Variants in RAB36 observed in about 807,000 individuals in gnomAD.
The protein encoded by RAB36 is RAB36, member RAS oncogene family.
A neutral mutation model predicts 39.3 loss-of-function variants in RAB36; 33 were observed. The observed-to-expected ratio is 0.84, with a 90% CI of 0.64 to 1.12. The LOEUF (loss-of-function observed/expected upper bound fraction) is 1.12. Among genes scored for constraint, RAB36 ranks in the 50% most tolerant of loss-of-function variants. The probability of loss-of-function intolerance (pLI) is 0.00; values close to 1 mark genes in which losing one functional copy is unlikely to be tolerated. For synonymous variants in RAB36, 133 were observed against 140.2 expected (o/e 0.95, Z 0.36); for missense variants, 308 against 355.3 (o/e 0.87, Z 1.07).
chr22:23,165,562 T>A lies in RAB36; in HGVS notation c.*3998T>A, dbSNP rs2072030554. ...GAGAGGCTCTGGGCACAGGAAAGAA[T>A]TGGACTTCGGGCAGAAAAATGTTTG... On this transcript the variant is annotated 3_prime_UTR_variant, in exon 11 of 11. Transcript: ENST00000263116. Among the ~76,000 whole-genome samples the A allele has an allele frequency of 6.6e-6, 1 of 152,198 alleles. No individual in the cohort carries two copies. Among genetic ancestry groups the A allele is most frequent in the Non-Finnish European group, 1.5e-5 (1 of 68,038 alleles).
At chr22:23,150,992 G>A (rs1382282974) in intron 3 of RAB36, among the ~76,000 whole-genome samples, 1 of 152,254 alleles carries the variant, frequency 6.6e-6, no homozygotes, top group Admixed American at 6.5e-5. Context: ...CAGAGGGATT[G>A]TGAAATAGTC....
At chr22:23,166,171 AAAAAAAG>A (rs1226030433), downstream of RAB36, among the ~76,000 whole-genome samples, 3 of 148,850 alleles carry the variant, frequency 2.0e-5, no homozygotes, top group Admixed American at 6.7e-5. Flanking sequence ...AAAAAAAAAA[AAAAAAAG>A]GAGTGTTTCC....
intron 3 of RAB36, among the ~76,000 whole-genome samples, chr22:23,151,429 C>T (rs1335330897): frequency 6.6e-6 from 1 of 152,196 alleles, no homozygotes; most frequent in Non-Finnish European, 1.5e-5. Context: ...CCTGCTCTCA[C>T]GGACCTGGCA....
chr22:23,165,818 G>C (rs1024500927), downstream of RAB36, among the ~76,000 whole-genome samples: 9 of 152,100 alleles, frequency 5.9e-5, no homozygotes, highest in Non-Finnish European at 1.2e-4. Context: ...TGGCAGCTTG[G>C]GCTTCCTCAC....
At chr22:23,146,438 C>G (rs1360302497) in intron 1 of RAB36, among the ~76,000 whole-genome samples, 167 bp from the exon 2 acceptor site, 1 of 152,048 alleles carries the variant, frequency 6.6e-6, no homozygotes, top group Non-Finnish European at 1.5e-5. Flanking sequence ...TCTCAACCTC[C>G]TGGGCCCAAG....
intron 4 of RAB36, 86 bp downstream of exon 4, chr22:23,152,612 A>C: frequency 2.3e-6 from 3 of 1,291,322 alleles, no homozygotes; most frequent in Non-Finnish European, 2.2e-6. Context: ...TAATATCAAC[A>C]TAGCAGAAAT....
At chr22:23,167,496 AGAG>A (rs2072071283), downstream of RAB36, among the ~76,000 whole-genome samples, 1 of 151,990 alleles carries the variant, frequency 6.6e-6, no homozygotes. Flanking sequence ...TCTGGAGTGG[AGAG>A]GAGGCCAGCA....
rs1012655259 is a variant in RAB36, at chr22:23,161,823, T to C, written c.*259T>C. On this transcript the variant is annotated 3_prime_UTR_variant, in exon 11 of 11. Coordinates refer to ENST00000263116, the MANE Select transcript of RAB36 (RefSeq NM_004914.5). ...CGGGCCAGTGCAGGCACTGTGGTGA[T>C]CCCATAAAAGGCCAGTCCATTTGCA... is the stretch of plus-strand genomic sequence containing the variant. The C allele has an allele frequency of 2.2e-5, 11 of 496,918 alleles. No individual in the cohort carries two copies. Among genetic ancestry groups the C allele is most frequent in the Non-Finnish European group, 3.6e-5 (10 of 275,032 alleles). The allele number at this position is 496,918 out of a possible 1,614,324, so 30.8% of individuals were successfully genotyped here.
intron 6 of RAB36, among the ~76,000 whole-genome samples, chr22:23,156,864 C>T (rs924287605): frequency 2.6e-5 from 4 of 152,296 alleles, no homozygotes; most frequent in Admixed American, 1.3e-4. Context: ...GTGCGAGGCG[C>T]CTGGCCCACC....
At chr22:23,152,038 G>C (rs1031664820) in intron 3 of RAB36, among the ~76,000 whole-genome samples, 1 of 152,238 alleles carries the variant, frequency 6.6e-6, no homozygotes, top group Non-Finnish European at 1.5e-5. Flanking sequence ...GGGGCTGCCC[G>C]TCCCTTTTGC....
At chr22:23,158,846 G>T in intron 7 of RAB36, 52 bp from the exon 8 acceptor site, 1 of 1,545,952 alleles carries the variant, frequency 6.5e-7, no homozygotes, top group Non-Finnish European at 8.9e-7. Flanking sequence ...TCTGCCCCCT[G>T]TTTGGGGTGG....
rs1358326643 is a variant in RAB36 at position 23,153,103 on chromosome 22, G to T, written c.298G>T (p.Glu100Ter). The change falls in exon 5 of 11, where the codon GAG becomes TAG. Residue 100 changes from glutamate to a stop codon, truncating the protein, a stop_gained. Coordinates refer to ENST00000263116, the MANE Select transcript of RAB36 (RefSeq NM_004914.5). LOFTEE classifies it high-confidence loss of function. ...IGVDFEIERF[E>*]IAGIPYSLQI... ...GGTGGACTTTGAAATTGAGCGCTTTGAGATTGCTGGGATTCCCTATAGCCT... is the reference window on the plus strand; with the variant it reads ...GGTGGACTTTGAAATTGAGCGCTTTTAGATTGCTGGGATTCCCTATAGCCT... 4.3e-6 allele frequency: 7 copies of T among 1,614,146 alleles called. No homozygotes were observed. Among genetic ancestry groups the T allele is most frequent in the Non-Finnish European group, 5.9e-6 (7 of 1,179,996 alleles).
intron 1 of RAB36, chr22:23,145,982 C>T (rs766581816): frequency 2.1e-4 from 210 of 985,306 alleles, no homozygotes; most frequent in Non-Finnish European, 2.4e-4. Context: ...GACCCCTCCC[C>T]ACTCTACTTC....
rs540386285 is a variant in RAB36, at chr22:23,164,694, A to G, written c.*3130A>G. ...GCAATGACCACAGTGACCGCGTCCA[A>G]GTGCTGCCGAAACGCCTTTTTCCTC... On this transcript the variant is annotated 3_prime_UTR_variant, in exon 11 of 11. Transcript: ENST00000263116. Among the ~76,000 whole-genome samples, 7 of 152,208 alleles carry G rather than the reference A, an allele frequency of 4.6e-5. No individual in the cohort carries two copies. The highest frequency in any genetic ancestry group is 6.5e-5 in the Admixed American group (1 of 15,306).
intron 3 of RAB36, among the ~76,000 whole-genome samples, chr22:23,150,590 C>T (rs1435871018): frequency 1.3e-5 from 2 of 151,700 alleles, no homozygotes; most frequent in Non-Finnish European, 2.9e-5. Flanking sequence ...TGTGAGCCAC[C>T]GTGCCCAGCC....
rs117027496 is a variant in RAB36, at chr22:23,165,640, A to G, written c.*4076A>G. Among the ~76,000 whole-genome samples the G allele has an allele frequency of 2.2e-4, 33 of 152,352 alleles. 1 individual carries two copies. In the East Asian group the frequency reaches 6.0e-3, roughly 28 times the overall value. ...CTCCAAAACTTCATTGCTTAAAGCAACAAGCATGTATTATTTCTCATGATT... is the reference window on the plus strand; with the variant it reads ...CTCCAAAACTTCATTGCTTAAAGCAGCAAGCATGTATTATTTCTCATGATT... On this transcript the variant is annotated 3_prime_UTR_variant, in exon 11 of 11. Transcript: ENST00000263116.
In RAB36 at chr22:23,148,314, A is replaced by G. The variant is rs114176555; in HGVS notation, c.69+1629A>G. 6.2e-3 allele frequency among the ~76,000 whole-genome samples: 940 copies of G among 152,298 alleles called. 8 individuals are homozygous for G. The highest frequency in any genetic ancestry group is 0.021 in the African/African-American group (853 of 41,574). Reference sequence around the variant, plus strand: ...CAGAGCTTGACAGTGGTAACTAGGGATGACAGAGACTGGTCTTTCTTGAGT... The same window carrying G: ...CAGAGCTTGACAGTGGTAACTAGGGGTGACAGAGACTGGTCTTTCTTGAGT... On this transcript the variant is annotated intron_variant, in intron 2 of 10. Transcript: ENST00000263116.
rs371958147 is a variant in RAB36, at chr22:23,146,644, C to T, written c.28C>T (p.Pro10Ser). ...GAGGTCCTCCCTGACACCTTTGGGGCCCCCTGTGAGCCGCGACCGTGTCAT... is the reference window on the plus strand; with the variant it reads ...GAGGTCCTCCCTGACACCTTTGGGGTCCCCTGTGAGCCGCGACCGTGTCAT... MRSSLTPLG[P>S]PVSRDRVIAS... Residue 10 changes from proline (P) to serine (S), a missense_variant, in exon 2 of 11, where the codon CCC becomes TCC. By Grantham distance (74) the Pro-to-Ser change is moderately conservative. Transcript: ENST00000263116. The T allele has an allele frequency of 2.4e-5, 39 of 1,613,736 alleles. No homozygotes were observed. Among genetic ancestry groups the T allele is most frequent in the Non-Finnish European group, 3.0e-5 (35 of 1,179,780 alleles).
At chr22:23,149,997 G>A in intron 2 of RAB36, 66 bp from the exon 3 acceptor site, 1 of 1,298,008 alleles carries the variant, frequency 7.7e-7, no homozygotes, top group Non-Finnish European at 1.1e-6. Context: ...TCCCCTCACT[G>A]CTTGGCTACG....
Sources: allele counts gnomAD v4.1 joint callset (sites outside exome capture counted in the v4.1 genomes callset), GRCh38; gene constraint gnomAD v4.1.1; transcripts MANE v1.5; gene names NCBI Gene and HGNC (gene_info 2026-07-23, HGNC 2026-07-21).